Variants in TULP4 observed in about 807,000 individuals in gnomAD.
The protein encoded by TULP4 is TUB like protein 4.
In TULP4, 16 loss-of-function variants were observed where a neutral mutation model predicts 129.0. That is an observed-to-expected ratio of 0.12 (90% CI 0.08 to 0.19). TULP4 has a LOEUF of 0.19. Ranked by LOEUF, TULP4 falls within the 10% of genes least tolerant of loss-of-function variation. The pLI is 1.00. For synonymous variants in TULP4, 998 were observed against 854.0 expected (o/e 1.17, Z -2.94); for missense variants, 1,842 against 2,059.1 (o/e 0.89, Z 2.04).
upstream of TULP4, among the ~76,000 whole-genome samples, chr6:158,309,056 G>T (rs1457267398): frequency 7.3e-6 from 1 of 137,278 alleles, no homozygotes; most frequent in African/African-American, 2.7e-5. Context: ...CTCCCGGACG[G>T]GGTGGCTGCC....
rs954900226 is a variant in TULP4, at chr6:158,260,437, G to A, written n.68+28134G>A. On this transcript the variant is annotated intron_variant and non_coding_transcript_variant, in intron 1 of 1. Transcript: ENST00000620026. ...TAAAAATACAAAAAATTAGCTGGGCGAGGTGGTGGGCGCCTGTAGTCCCAG... is the reference window on the plus strand; with the variant it reads ...TAAAAATACAAAAAATTAGCTGGGCAAGGTGGTGGGCGCCTGTAGTCCCAG... 2.6e-5 allele frequency among the ~76,000 whole-genome samples: 4 copies of A among 152,178 alleles called. No individual in the cohort carries two copies. The South Asian group carries it at 6.2e-4, about 24-fold the overall frequency.
chr6:158,427,470 C>CTTTTTTTTTTTTTT lies in TULP4; in HGVS notation c.382-2266_382-2265insTTTTTTTTTTTTTT, dbSNP rs1251385882. ...CAAATTCCTTTTCAAAATTATCAGA[C>CTTTTTTTTTTTTTT]CTTTTTTTTTTTTTTTTTTTTTTTT... On this transcript the variant is annotated intron_variant, in intron 2 of 13. Coordinates refer to ENST00000367097, the MANE Select transcript of TULP4 (RefSeq NM_020245.5). Among the ~76,000 whole-genome samples the CTTTTTTTTTTTTTT allele has an allele frequency of 3.2e-4, 32 of 100,684 alleles. 1 individual carries two copies. Among genetic ancestry groups the CTTTTTTTTTTTTTT allele is most frequent in the South Asian group, 7.4e-4 (2 of 2,706 alleles). 66.1% of individuals were successfully genotyped at this position (100,684 alleles called of 152,430 possible).
At chr6:158,449,656 T>C (rs1779125599) in intron 4 of TULP4, among the ~76,000 whole-genome samples, 1 of 152,196 alleles carries the variant, frequency 6.6e-6, no homozygotes, top group Non-Finnish European at 1.5e-5. Context: ...CAGATAACTC[T>C]ACATTTCTGT....
intron 1 of TULP4, among the ~76,000 whole-genome samples, chr6:158,355,625 A>C (rs1448288369): frequency 6.6e-6 from 1 of 152,200 alleles, no homozygotes; most frequent in East Asian, 1.9e-4. Context: ...GAATCTAGGC[A>C]AAAAGGGTGG....
At chr6:158,435,651 G>A (rs1218519194) in intron 3 of TULP4, among the ~76,000 whole-genome samples, 1 of 151,906 alleles carries the variant, frequency 6.6e-6, no homozygotes, top group Non-Finnish European at 1.5e-5. Context: ...TTTGCTGCTG[G>A]CTCCCCACAC....
intron 1 of TULP4, among the ~76,000 whole-genome samples, chr6:158,250,937 C>G (rs1278649196): frequency 6.6e-6 from 1 of 152,156 alleles, no homozygotes; most frequent in Non-Finnish European, 1.5e-5. Context: ...ATTTTCATCA[C>G]TTATTCATTA....
intron 1 of TULP4, among the ~76,000 whole-genome samples, chr6:158,387,699 C>CT (rs1313877186): frequency 2.0e-5 from 3 of 151,888 alleles, no homozygotes; most frequent in Non-Finnish European, 1.5e-5. Context: ...ATTGTGGCTT[C>CT]TTTTTTTTCT....
At chr6:158,385,095 C>T (rs1777410298) in intron 1 of TULP4, among the ~76,000 whole-genome samples, 1 of 152,040 alleles carries the variant, frequency 6.6e-6, no homozygotes, top group Non-Finnish European at 1.5e-5. Flanking sequence ...GTGTTGATGC[C>T]GTGAATGTAG....
chr6:158,239,015 C>T (rs1253331638), intron 1 of TULP4, among the ~76,000 whole-genome samples: 1 of 142,648 alleles, frequency 7.0e-6, no homozygotes, highest in Non-Finnish European at 1.6e-5. Context: ...CGGGCAGAGG[C>T]GCCCCTCACC....
chr6:158,261,076 C>A (rs1562498012), intron 1 of TULP4, among the ~76,000 whole-genome samples: 1 of 152,154 alleles, frequency 6.6e-6, no homozygotes, highest in Admixed American at 6.5e-5. Flanking sequence ...GCTTCAGCAT[C>A]CCAGAGCGCT....
chr6:158,442,285 T>A (rs926721774), intron 3 of TULP4, among the ~76,000 whole-genome samples: 1 of 152,160 alleles, frequency 6.6e-6, no homozygotes, highest in African/African-American at 2.4e-5. Context: ...TTCATCATGT[T>A]TAGAAATATA....
chr6:158,474,762 G>A (rs1443837175), intron 6 of TULP4, among the ~76,000 whole-genome samples: 1 of 152,152 alleles, frequency 6.6e-6, no homozygotes, highest in Non-Finnish European at 1.5e-5. Context: ...CAGAATATTT[G>A]CATTGTATCA....
intron 1 of TULP4, chr6:158,237,620 G>T: frequency 1.4e-6 from 2 of 1,426,582 alleles, no homozygotes; most frequent in Non-Finnish European, 9.8e-7. Context: ...TGCATTGGCA[G>T]CCATCTTTCT....
At chr6:158,475,190 T>C (rs1779789988) in intron 6 of TULP4, among the ~76,000 whole-genome samples, 3 of 152,342 alleles carry the variant, frequency 2.0e-5, no homozygotes, top group Admixed American at 6.5e-5. Context: ...CCCGCATCTT[T>C]TCCTTTCCGG....
chr6:158,415,296 A>C (rs1778181257), intron 2 of TULP4, among the ~76,000 whole-genome samples: 1 of 151,146 alleles, frequency 6.6e-6, no homozygotes, highest in Non-Finnish European at 1.5e-5. Context: ...ATAACAAATG[A>C]CTATGTTACT....
At chr6:158,476,616 G>T (rs1275148012) in intron 6 of TULP4, among the ~76,000 whole-genome samples, 2 of 152,112 alleles carry the variant, frequency 1.3e-5, no homozygotes, top group East Asian at 3.8e-4. Context: ...TTACCTGTGG[G>T]CTCTCTTCTG....
intron 1 of TULP4, among the ~76,000 whole-genome samples, chr6:158,261,432 T>A (rs1298726702): frequency 6.6e-6 from 1 of 152,128 alleles, no homozygotes; most frequent in East Asian, 1.9e-4. Flanking sequence ...AGTTTTAGAG[T>A]AGCTTAAGAC....
intron 1 of TULP4, among the ~76,000 whole-genome samples, chr6:158,379,125 G>C (rs1287515977): frequency 6.6e-6 from 1 of 152,212 alleles, no homozygotes; most frequent in Non-Finnish European, 1.5e-5. Flanking sequence ...ATGTGAAACT[G>C]GCTGGATTCG....
At chr6:158,466,538 G>T (rs1439526146) in intron 6 of TULP4, among the ~76,000 whole-genome samples, 1 of 152,168 alleles carries the variant, frequency 6.6e-6, no homozygotes, top group African/African-American at 2.4e-5. Context: ...TTTCAATCAG[G>T]TTATTTGGGT....
Sources: allele counts gnomAD v4.1 joint callset (sites outside exome capture counted in the v4.1 genomes callset), GRCh38; gene constraint gnomAD v4.1.1; transcripts MANE v1.5; gene names NCBI Gene and HGNC (gene_info 2026-07-23, HGNC 2026-07-21).